Variants in ETAA1 observed in about 807,000 individuals in gnomAD.
ETAA1 encodes ewing's tumor-associated antigen 1.
Under a neutral mutation model 76.8 loss-of-function variants are expected in ETAA1, and 49 were observed. The ratio of observed to expected loss-of-function variants is 0.64; its 90% CI spans 0.51 to 0.81. The LOEUF (loss-of-function observed/expected upper bound fraction) is 0.81, where lower values mean the gene tolerates loss of function less well. ETAA1 is among the 30% of genes least tolerant of loss of function. The pLI, the probability that ETAA1 is intolerant of heterozygous loss-of-function variation, is 0.00. For missense variants in ETAA1, 1,099 were observed against 1,074.0 expected (o/e 1.02, Z -0.32); for synonymous variants, 373 against 372.2 (o/e 1.00, Z -0.03).
Position 67,404,923 on chromosome 2 carries a change from A to T in ETAA1, c.2241A>T (p.Ile747=). The part of the protein sequence containing the change: ...TMYSKISNCQ[I]NNLHVSYTNT... ...ATTCTAAGATCTCAAACTGTCAGAT[A>T]AATAATCTGCATGTGTCTTATACTA... The change falls in exon 5 of 6, where the codon ATA becomes ATT. Residue 747 remains isoleucine, a synonymous_variant. Coordinates refer to ENST00000272342, the MANE Select transcript of ETAA1 (RefSeq NM_019002.4). The T allele has an allele frequency of 6.2e-7, 1 of 1,613,070 alleles. No homozygotes were observed. The highest frequency in any genetic ancestry group is 8.5e-7 in the Non-Finnish European group (1 of 1,179,388).
intron 3 of ETAA1, 68 bp downstream of exon 3, chr2:67,399,694 T>C (rs181997052): frequency 3.7e-6 from 4 of 1,069,500 alleles, no homozygotes; most frequent in African/African-American, 3.2e-5. Context: ...TTTTGTAGTT[T>C]CTTTAAATGA....
rs559760697 is a variant in ETAA1 at position 67,405,573 on chromosome 2, A to G, written c.2653+238A>G. On this transcript the variant is annotated intron_variant, in intron 5 of 5. Transcript: ENST00000272342. ...TGAATTCTTTCCCAGCACTTAATAC[A>G]ATGACTGGCATATAGTAGGTACTCA... Among the ~76,000 whole-genome samples the G allele has an allele frequency of 3.3e-5, 5 of 152,138 alleles. No individual in the cohort carries two copies. The South Asian group carries it at 1.0e-3, about 32-fold the overall frequency.
chr2:67,404,374 C>A lies in ETAA1; in HGVS notation c.1692C>A (p.Asn564Lys). The change falls in exon 5 of 6, where the codon AAC (asparagine) becomes AAA (lysine). Residue 564 changes from asparagine to lysine, a missense_variant. Asn to Lys is a moderately conservative substitution (Grantham distance 94). Around this residue, in one of 3 missense-constraint regions of ETAA1, gnomAD observed 761 missense variants for 731.9 expected, o/e 1.04. Transcript: ENST00000272342. ...TAGGCAGTAAAACCAGTGTTAGTAA[C>A]CCAAATCAGACTAGTGCATCAAAAG... ...ANLGSKTSVS[N>K]PNQTSASKVG... The A allele has an allele frequency of 6.2e-7, 1 of 1,613,214 alleles. No individual in the cohort carries two copies. Among genetic ancestry groups the A allele is most frequent in the Non-Finnish European group, 8.5e-7 (1 of 1,179,446 alleles).
intron 5 of ETAA1, among the ~76,000 whole-genome samples, chr2:67,405,978 G>T (rs1207964703): frequency 2.0e-5 from 3 of 151,942 alleles, no homozygotes; most frequent in Non-Finnish European, 4.4e-5. Flanking sequence ...AACATTTCTT[G>T]ATGAGACTAC....
At chr2:67,399,139 C>G (rs757646215) in intron 1 of ETAA1, 30 bp from the exon 2 acceptor site, 1 of 1,592,744 alleles carries the variant, frequency 6.3e-7, no homozygotes, top group Non-Finnish European at 8.6e-7. Context: ...TAAAATGCAA[C>G]AATTGTTATT....
chr2:67,405,030 T>C lies in ETAA1; in HGVS notation c.2348T>C (p.Met783Thr), dbSNP rs201010502. The change falls in exon 5 of 6, where the codon ATG becomes ACG. Residue 783 changes from methionine to threonine, a missense_variant. Coordinates refer to ENST00000272342, the MANE Select transcript of ETAA1 (RefSeq NM_019002.4). ...AGTTTGAATGTAACTTCAGATCATATGAATACAGAAATTACTACTTATAAG... is the reference window on the plus strand; with the variant it reads ...AGTTTGAATGTAACTTCAGATCATACGAATACAGAAATTACTACTTATAAG... ...SSSLNVTSDH[M>T]NTEITTYKKK... 2 of 1,611,678 alleles carry C rather than the reference T, an allele frequency of 1.2e-6. No individual in the cohort carries two copies. The highest frequency in any genetic ancestry group is 1.3e-5 in the African/African-American group (1 of 74,814).
chr2:67,409,747 A>G (rs1676317544), intron 5 of ETAA1, among the ~76,000 whole-genome samples, 164 bp from the exon 6 acceptor site: 1 of 152,006 alleles, frequency 6.6e-6, no homozygotes, highest in African/African-American at 2.4e-5. Context: ...CTGGAGCATT[A>G]TATCTGTATT....
At chr2:67,409,759 T>C in intron 5 of ETAA1, 152 bp from the exon 6 acceptor site, 1 of 646,280 alleles carries the variant, frequency 1.5e-6, no homozygotes, top group Non-Finnish European at 2.6e-6. Flanking sequence ...ATCTGTATTA[T>C]GTACTTAGAA....
rs1455224711 is a variant in ETAA1 at position 67,409,904 on chromosome 2, T to C, written c.2654-7T>C. 1.3e-6 allele frequency: 2 copies of C among 1,583,942 alleles called. No individual in the cohort carries two copies. Among genetic ancestry groups the C allele is most frequent in the African/African-American group, 2.8e-5 (2 of 72,696 alleles). On this transcript the variant is annotated splice_region_variant and splice_polypyrimidine_tract_variant and intron_variant, in intron 5 of 5. Transcript: ENST00000272342. ...AAAGTAAAACTCATCTTTTGTTGAA[T>C]TTTTAGAGGAAGAAGAGAAAAATAG...
chr2:67,399,141 ATTG>A (rs1426988954), intron 1 of ETAA1, 25 bp from the exon 2 acceptor site: 22 of 1,595,672 alleles, frequency 1.4e-5, no homozygotes, highest in Non-Finnish European at 1.9e-5. Context: ...AAATGCAACA[ATTG>A]TTATTTTACT....
intron 4 of ETAA1, 64 bp from the exon 5 acceptor site, chr2:67,403,160 GT>G: frequency 8.2e-7 from 1 of 1,224,498 alleles, no homozygotes; most frequent in Non-Finnish European, 1.1e-6. Flanking sequence ...ATCAAAATAT[GT>G]TAAATAACAG....
At position 67,397,365 on chromosome 2, in the gene ETAA1, G is replaced by C. The variant is rs1025978610; in HGVS notation, c.-84G>C. ...AAAATGGCGGCTGCCGTTGGTGCGG[G>C]GTGCGGTTTGTAGTGCTGTTGCCCT... On this transcript the variant is annotated 5_prime_UTR_variant, in exon 1 of 6. Transcript: ENST00000272342. 1 of 1,389,328 alleles carries C rather than the reference G, an allele frequency of 7.2e-7. No individual in the cohort carries two copies. Among genetic ancestry groups the C allele is most frequent in the Non-Finnish European group, 1.0e-6 (1 of 1,001,478 alleles). The allele number at this position is 1,389,328 out of a possible 1,614,324, so 86.1% of individuals were successfully genotyped here.
chr2:67,403,053 A>C (rs1676099270), intron 4 of ETAA1, 79 bp downstream of exon 4: 2 of 1,265,986 alleles, frequency 1.6e-6, no homozygotes, highest in African/African-American at 3.1e-5. Flanking sequence ...GGTTTTGTGA[A>C]TATATCAAAA....
rs1256941488 is a variant in ETAA1, at chr2:67,402,934, G to A, written c.502G>A (p.Val168Ile). ...GETAIPCTPS[V>I]AKGKSRAKIS... is the part of the protein sequence containing the mutation. The stretch of plus-strand genomic sequence containing the variant: ...AACTGCTATTCCTTGTACTCCCAGT[G>A]TAGCAAAAGGAAAATCAAGAGCAAA... The change falls in exon 4 of 6, where the codon GTA becomes ATA. Residue 168 changes from valine to isoleucine, a missense_variant. Val to Ile is a conservative substitution (Grantham distance 29). This residue lies in a region of ETAA1 where 761 missense variants were observed against 731.9 expected (regional missense o/e 1.04). Coordinates refer to ENST00000272342, the MANE Select transcript of ETAA1 (RefSeq NM_019002.4). The A allele has an allele frequency of 1.2e-6, 2 of 1,606,922 alleles. No homozygotes were observed. Among genetic ancestry groups the A allele is most frequent in the Non-Finnish European group, 1.7e-6 (2 of 1,176,514 alleles).
At position 67,405,165 on chromosome 2, in the gene ETAA1, A is replaced by AT. The variant is rs762823609; in HGVS notation, c.2485dup (p.Ser829PhefsTer8). 1.2e-6 allele frequency: 2 copies of AT among 1,612,142 alleles called. No individual in the cohort carries two copies. The highest frequency in any genetic ancestry group is 1.7e-6 in the Non-Finnish European group (2 of 1,179,124). On this transcript the variant is annotated frameshift_variant, in exon 5 of 6. Transcript: ENST00000272342. LOFTEE classifies it high-confidence loss of function. The stretch of plus-strand genomic sequence containing the variant: ...AAGTTTACATTTACAAGGATGAAAA[A>AT]TTCTCAGATTCTTTCTCAGTTTAAT...
rs745974091 is a variant in ETAA1 at position 67,397,632 on chromosome 2, C to T, written c.184C>T (p.Pro62Ser). 2 of 1,547,230 alleles carry T rather than the reference C, an allele frequency of 1.3e-6. No homozygotes were observed. Among genetic ancestry groups the T allele is most frequent in the African/African-American group, 2.7e-5 (2 of 72,980 alleles). The change falls in exon 1 of 6, where the codon CCT becomes TCT. Residue 62 changes from proline to serine, a missense_variant. This residue lies in a region of ETAA1 where 761 missense variants were observed against 731.9 expected (regional missense o/e 1.04). Coordinates refer to ENST00000272342, the MANE Select transcript of ETAA1 (RefSeq NM_019002.4). ...PPGPVRQREQ[P>S]PTAALCSKSN... Reference sequence around the variant, plus strand: ...CGGGCCAGTGCGGCAGCGAGAGCAGCCTCCGACCGCCGCCCTGTGCAGTAA... The same window carrying T: ...CGGGCCAGTGCGGCAGCGAGAGCAGTCTCCGACCGCCGCCCTGTGCAGTAA...
At chr2:67,398,961 T>C (rs1044619933) in intron 1 of ETAA1, among the ~76,000 whole-genome samples, 1 of 152,212 alleles carries the variant, frequency 6.6e-6, no homozygotes, top group Non-Finnish European at 1.5e-5. Flanking sequence ...TCTAGAAGTG[T>C]TTGCTATTTA....
Position 67,404,067 on chromosome 2 carries a change from G to C in ETAA1, c.1385G>C (p.Arg462Thr). ...AGAGAATTAATAGATGCAGAATATA[G>C]ATTTTCACCAAATTCAAATAAATCA... The part of the protein sequence containing the change: ...YDRELIDAEY[R>T]FSPNSNKSNK... The change falls in exon 5 of 6, where the codon AGA (arginine) becomes ACA (threonine). Residue 462 changes from arginine (R) to threonine (T), a missense_variant. Physicochemically the swap from Arg to Thr is moderately conservative, Grantham distance 71. Transcript: ENST00000272342. 1.2e-6 allele frequency: 2 copies of C among 1,600,186 alleles called. No individual in the cohort carries two copies. Among genetic ancestry groups the C allele is most frequent in the Admixed American group, 1.8e-5 (1 of 56,480 alleles).
intron 3 of ETAA1, 101 bp downstream of exon 3, chr2:67,399,727 T>C: frequency 1.3e-6 from 1 of 745,224 alleles, no homozygotes; most frequent in East Asian, 3.0e-5. Context: ...ATTATAATTC[T>C]TTTTTCCAAA....
Sources: gnomAD v4.1 joint callset for allele counts (sites outside exome capture counted in the v4.1 genomes callset) on GRCh38, gnomAD v4.1.1 for gene constraint, gnomAD v4.1.1 regional missense constraint, MANE v1.5 for transcripts, NCBI Gene and HGNC (gene_info 2026-07-23, HGNC 2026-07-21) for gene names.